Variants in OR4C46 observed in about 807,000 individuals in gnomAD.
The protein encoded by OR4C46 is olfactory receptor 4C46.
OR4C46 carries 17 observed loss-of-function variants against 11.8 expected under a neutral mutation model. The observed-to-expected ratio is 1.44, with a 90% confidence interval of 0.98 to 2.16. OR4C46 has a LOEUF of 2.16. Ranked by LOEUF, OR4C46 falls within the 30% of genes most tolerant of loss-of-function variation. The pLI is 0.00. For missense variants in OR4C46, 606 were observed against 372.1 expected, an observed-to-expected ratio of 1.63 and a Z score of -5.17; for synonymous variants, 224 against 137.6, an observed-to-expected ratio of 1.63 and a Z score of -4.39.
rs751288214 is a variant in OR4C46, at chr11:54,603,224, G to A, written c.775C>T (p.Pro259Ser). 8 of 1,610,598 alleles carry A rather than the reference G, an allele frequency of 5.0e-6. No individual in the cohort carries two copies. The highest frequency in any genetic ancestry group is 3.3e-5 in the South Asian group (3 of 90,992). ...TTATCAATAGGTAAAGTAGCTGCAG[G>A]TCTCATGTACACAAATATGCAGGGC... The part of the protein sequence containing the change: ...FVPCIFVYMR[P>S]AATLPIDKAV... Residue 259 changes from proline (P) to serine (S), a missense_variant, in exon 1 of 1, where the codon CCT (proline) becomes TCT (serine). Physicochemically the swap from Pro to Ser is moderately conservative, Grantham distance 74. Coordinates refer to ENST00000328188, the MANE Select transcript of OR4C46 (RefSeq NM_001004703.1).
At position 54,603,541 on chromosome 11, in the gene OR4C46, T is replaced by G. The variant is rs1441125800; in HGVS notation, c.458A>C (p.His153Pro). 6.2e-7 allele frequency: 1 copy of G among 1,613,738 alleles called. No homozygotes were observed. The highest frequency in any genetic ancestry group is 1.3e-5 in the African/African-American group (1 of 74,890). ...MGVVWMGGFL[H>P]ATIQILFIFQ... ...GATGAAGAGGATCTGTATGGTTGCA[T>G]GAAGAAAGCCTCCCATCCACACCAC... Residue 153 changes from histidine (H) to proline (P), a missense_variant, in exon 1 of 1, where the codon CAT becomes CCT. Coordinates refer to ENST00000328188, the MANE Select transcript of OR4C46 (RefSeq NM_001004703.1).
Position 54,603,630 on chromosome 11 carries a change from G to A in OR4C46, c.369C>T (p.Ala123=), listed in dbSNP as rs548071244. The A allele has an allele frequency of 2.5e-6, 4 of 1,614,066 alleles. No homozygotes were observed. Among genetic ancestry groups the A allele is most frequent in the Non-Finnish European group, 2.5e-6 (3 of 1,179,976 alleles). ...TCATATAGTGCAAGGGCTTGCAGAT[G>A]GCCACATAGTGGTCATAGGCCATCA... ...LTVMAYDHYV[A]ICKPLHYMTI... Residue 123 remains alanine (A), a synonymous_variant, in exon 1 of 1, where the codon GCC becomes GCT. Coordinates refer to ENST00000328188, the MANE Select transcript of OR4C46 (RefSeq NM_001004703.1).
Position 54,603,267 on chromosome 11 carries a change from A to C in OR4C46, c.732T>G (p.Val244=). The C allele has an allele frequency of 3.1e-6, 5 of 1,613,368 alleles. No homozygotes were observed. The highest frequency in any genetic ancestry group is 1.7e-5 in the Admixed American group (1 of 59,982). ...TGCAGGGCACAAAGAATAAGATGAC[A>C]ACCGTGATGTGGGAGACACAGGTGG... The part of the protein sequence containing the change: ...ALSTCVSHIT[V]VILFFVPCIF... Residue 244 remains valine (V), a synonymous_variant, in exon 1 of 1, where the codon GTT becomes GTG. Coordinates refer to ENST00000328188, the MANE Select transcript of OR4C46 (RefSeq NM_001004703.1).
At position 54,603,779 on chromosome 11, in the gene OR4C46, C is replaced by A. The variant is rs554155145; in HGVS notation, c.220G>T (p.Val74Phe). ...TGTGTGATCAGGTTAGGGGTATTGACAGAGGAATAGCAGGCATCAATAAAG... is the reference window on the plus strand; with the variant it reads ...TGTGTGATCAGGTTAGGGGTATTGAAAGAGGAATAGCAGGCATCAATAAAG... ...LSFIDACYSS[V>F]NTPNLITHSL... Residue 74 changes from valine (V) to phenylalanine (F), a missense_variant, in exon 1 of 1, where the codon GTC becomes TTC. By Grantham distance (50) the Val-to-Phe change is conservative (BLOSUM62 -1). Transcript: ENST00000328188. 6.2e-7 allele frequency: 1 copy of A among 1,613,628 alleles called. No individual in the cohort carries two copies. Among genetic ancestry groups the A allele is most frequent in the Admixed American group, 1.7e-5 (1 of 59,994 alleles).
Position 54,603,890 on chromosome 11 carries a change from C to G in OR4C46, c.109G>C (p.Val37Leu). 1 of 1,613,658 alleles carries G rather than the reference C, an allele frequency of 6.2e-7. No individual in the cohort carries two copies. Among genetic ancestry groups the G allele is most frequent in the Non-Finnish European group, 8.5e-7 (1 of 1,179,698 alleles). ...VVFFVIYIITVVGYVLIVVTI... is the reference protein window; with the variant it reads ...VVFFVIYIITLVGYVLIVVTI... The stretch of plus-strand genomic sequence containing the variant: ...ACCACAATGAGCACATATCCCACCA[C>G]AGTGATGATATAGATGACAAAAAAC... Residue 37 changes from valine (V) to leucine (L), a missense_variant, in exon 1 of 1, where the codon GTG (valine) becomes CTG (leucine). By Grantham distance (32) the Val-to-Leu change is conservative (BLOSUM62 1). Coordinates refer to ENST00000328188, the MANE Select transcript of OR4C46 (RefSeq NM_001004703.1).
chr11:54,603,818 G>A lies in OR4C46; in HGVS notation c.181C>T (p.Leu61=), dbSNP rs781002166. 4 of 1,613,814 alleles carry A rather than the reference G, an allele frequency of 2.5e-6. No individual in the cohort carries two copies. Among genetic ancestry groups the A allele is most frequent in the East Asian group, 4.5e-5 (2 of 44,870 alleles). ...GCATCAATAAAGGAGAGATAGGCCA[G>A]GGAAAGGTACATGGGGGACCCCAGT... ...PSLGSPMYLS[L]AYLSFIDACY... Residue 61 remains leucine, a synonymous_variant, in exon 1 of 1, where the codon CTG becomes TTG. Transcript: ENST00000328188.
rs368077487 is a variant in OR4C46 at position 54,603,370 on chromosome 11, G to A, written c.629C>T (p.Ala210Val). 74 of 1,613,668 alleles carry A rather than the reference G, an allele frequency of 4.6e-5. No homozygotes were observed. The South Asian group carries it at 6.5e-4, about 14-fold the overall frequency. The change falls in exon 1 of 1, where the codon GCC becomes GTC. Residue 210 changes from alanine (A) to valine (V), a missense_variant. Transcript: ENST00000328188. Reference protein sequence around the residue: ...NSGFICLLNFALLLVSYVVIL... With the variant: ...NSGFICLLNFVLLLVSYVVIL... ...GACCACATAGGAGACCAGCAGGAGG[G>A]CAAAGTTTAACAAGCAGATGAATCC...
Position 54,603,568 on chromosome 11 carries a change from C to G in OR4C46, c.431G>C (p.Gly144Ala), listed in dbSNP as rs376738452. ...AAGAAAGCCTCCCATCCACACCACTCCCATTAGCAGGGCACACACACACTG... is the reference window on the plus strand; with the variant it reads ...AAGAAAGCCTCCCATCCACACCACTGCCATTAGCAGGGCACACACACACTG... ...MNQCVCALLMGVVWMGGFLHA... is the reference protein window; with the variant it reads ...MNQCVCALLMAVVWMGGFLHA... Residue 144 changes from glycine to alanine, a missense_variant, in exon 1 of 1, where the codon GGA becomes GCA. By Grantham distance (60) the Gly-to-Ala change is moderately conservative. Coordinates refer to ENST00000328188, the MANE Select transcript of OR4C46 (RefSeq NM_001004703.1). 51 of 1,614,050 alleles carry G rather than the reference C, an allele frequency of 3.2e-5. No individual in the cohort carries two copies. Among genetic ancestry groups the G allele is most frequent in the Middle Eastern group, 1.7e-4 (1 of 6,058 alleles).
Position 54,603,916 on chromosome 11 carries a change from A to G in OR4C46, c.83T>C (p.Val28Ala). ...NPKMQKIIFV[V>A]FFVIYIITVV... is the part of the protein sequence containing the mutation. ...AGTGATGATATAGATGACAAAAAACACAACAAATATGATTTTCTGCATCTT... is the reference window on the plus strand; with the variant it reads ...AGTGATGATATAGATGACAAAAAACGCAACAAATATGATTTTCTGCATCTT... The change falls in exon 1 of 1, where the codon GTG (valine) becomes GCG (alanine). Residue 28 changes from valine (V) to alanine (A), a missense_variant. Coordinates refer to ENST00000328188, the MANE Select transcript of OR4C46 (RefSeq NM_001004703.1). 1 of 1,613,902 alleles carries G rather than the reference A, an allele frequency of 6.2e-7. No individual in the cohort carries two copies. The highest frequency in any genetic ancestry group is 8.5e-7 in the Non-Finnish European group (1 of 1,179,800).
chr11:54,603,322 T>G lies in OR4C46; in HGVS notation c.677A>C (p.His226Pro), dbSNP rs1320521698. 6.2e-7 allele frequency: 1 copy of G among 1,613,632 alleles called. No individual in the cohort carries two copies. The highest frequency in any genetic ancestry group is 8.5e-7 in the Non-Finnish European group (1 of 1,179,808). Reference protein sequence around the residue: ...YVVILCSLRTHSLEARHKALS... With the variant: ...YVVILCSLRTPSLEARHKALS... The stretch of plus-strand genomic sequence containing the variant: ...GGCTTTGTGCCTTGCCTCCAAGCTA[T>G]GAGTCCTTAGGGAGCACAAGATGAC... Residue 226 changes from histidine (H) to proline (P), a missense_variant, in exon 1 of 1, where the codon CAT (histidine) becomes CCT (proline). His to Pro is a moderately conservative substitution (Grantham distance 77). Transcript: ENST00000328188.
rs1320521698 is a variant in OR4C46 at position 54,603,322 on chromosome 11, T to C, written c.677A>G (p.His226Arg). The change falls in exon 1 of 1, where the codon CAT becomes CGT. Residue 226 changes from histidine to arginine, a missense_variant. By Grantham distance (29) the His-to-Arg change is conservative. Transcript: ENST00000328188. Reference sequence around the variant, plus strand: ...GGCTTTGTGCCTTGCCTCCAAGCTATGAGTCCTTAGGGAGCACAAGATGAC... The same window carrying C: ...GGCTTTGTGCCTTGCCTCCAAGCTACGAGTCCTTAGGGAGCACAAGATGAC... Reference protein sequence around the residue: ...YVVILCSLRTHSLEARHKALS... With the variant: ...YVVILCSLRTRSLEARHKALS... The C allele has an allele frequency of 6.2e-7, 1 of 1,613,632 alleles. No homozygotes were observed. The highest frequency in any genetic ancestry group is 1.3e-5 in the African/African-American group (1 of 74,874).
chr11:54,603,796 T>A lies in OR4C46; in HGVS notation c.203A>T (p.Asp68Val), dbSNP rs137947200. The A allele has an allele frequency of 1.6e-5, 26 of 1,613,810 alleles. No individual in the cohort carries two copies. In the African/African-American group the frequency reaches 2.9e-4, roughly 18 times the overall value. ...YLSLAYLSFIDACYSSVNTPN... is the reference protein window; with the variant it reads ...YLSLAYLSFIVACYSSVNTPN... ...GGTATTGACAGAGGAATAGCAGGCA[T>A]CAATAAAGGAGAGATAGGCCAGGGA... Residue 68 changes from aspartate (D) to valine (V), a missense_variant, in exon 1 of 1, where the codon GAT (aspartate) becomes GTT (valine). Transcript: ENST00000328188.
rs1284993896 is a variant in OR4C46, at chr11:54,603,901, T to C, written c.98A>G (p.Tyr33Cys). ...CACATATCCCACCACAGTGATGATA[T>C]AGATGACAAAAAACACAACAAATAT... ...KIIFVVFFVI[Y>C]IITVVGYVLI... The change falls in exon 1 of 1, where the codon TAT (tyrosine) becomes TGT (cysteine). Residue 33 changes from tyrosine (Y) to cysteine (C), a missense_variant. Physicochemically the swap from Tyr to Cys is radical, Grantham distance 194 (BLOSUM62 -2). Transcript: ENST00000328188. The C allele has an allele frequency of 1.9e-5, 30 of 1,613,866 alleles. 1 individual carries two copies. Among genetic ancestry groups the C allele is most frequent in the Admixed American group, 1.3e-4 (8 of 60,002 alleles).
In OR4C46 at chr11:54,603,311, C is replaced by A. The variant is rs770204935; in HGVS notation, c.688G>T (p.Ala230Ser). ...CAGGTGGAGAGGGCTTTGTGCCTTG[C>A]CTCCAAGCTATGAGTCCTTAGGGAG... ...LCSLRTHSLE[A>S]RHKALSTCVS... is the part of the protein sequence containing the mutation. The change falls in exon 1 of 1, where the codon GCA becomes TCA. Residue 230 changes from alanine to serine, a missense_variant. Coordinates refer to ENST00000328188, the MANE Select transcript of OR4C46 (RefSeq NM_001004703.1). 6.2e-6 allele frequency: 10 copies of A among 1,613,554 alleles called. No homozygotes were observed. The Admixed American group carries it at 1.7e-4, about 27-fold the overall frequency.
In OR4C46 at chr11:54,603,807, G is replaced by C. The variant is rs1168794620; in HGVS notation, c.192C>G (p.Leu64=). 1 of 1,613,636 alleles carries C rather than the reference G, an allele frequency of 6.2e-7. No homozygotes were observed. Among genetic ancestry groups the C allele is most frequent in the African/African-American group, 1.3e-5 (1 of 74,758 alleles). ...AGGAATAGCAGGCATCAATAAAGGA[G>C]AGATAGGCCAGGGAAAGGTACATGG... ...GSPMYLSLAY[L]SFIDACYSSV... Residue 64 remains leucine (L), a synonymous_variant, in exon 1 of 1, where the codon CTC becomes CTG. Coordinates refer to ENST00000328188, the MANE Select transcript of OR4C46 (RefSeq NM_001004703.1).
At position 54,603,646 on chromosome 11, in the gene OR4C46, T is replaced by C. The variant is rs372915515; in HGVS notation, c.353A>G (p.Tyr118Cys). Residue 118 changes from tyrosine (Y) to cysteine (C), a missense_variant, in exon 1 of 1, where the codon TAT becomes TGT. Coordinates refer to ENST00000328188, the MANE Select transcript of OR4C46 (RefSeq NM_001004703.1). ...CTTGCAGATGGCCACATAGTGGTCA[T>C]AGGCCATCACAGTAAGTAGGATGCC... is the stretch of plus-strand genomic sequence containing the variant. Reference protein sequence around the residue: ...AEGILLTVMAYDHYVAICKPL... With the variant: ...AEGILLTVMACDHYVAICKPL... 39 of 1,613,950 alleles carry C rather than the reference T, an allele frequency of 2.4e-5. No homozygotes were observed. The highest frequency in any genetic ancestry group is 2.9e-5 in the Non-Finnish European group (34 of 1,179,940).
Position 54,603,778 on chromosome 11 carries a change from A to G in OR4C46, c.221T>C (p.Val74Ala), listed in dbSNP as rs1863002456. The G allele has an allele frequency of 6.2e-7, 1 of 1,613,778 alleles. No individual in the cohort carries two copies. Among genetic ancestry groups the G allele is most frequent in the Non-Finnish European group, 8.5e-7 (1 of 1,179,820 alleles). The change falls in exon 1 of 1, where the codon GTC becomes GCC. Residue 74 changes from valine (V) to alanine (A), a missense_variant. Transcript: ENST00000328188. ...ATGTGTGATCAGGTTAGGGGTATTG[A>G]CAGAGGAATAGCAGGCATCAATAAA... is the stretch of plus-strand genomic sequence containing the variant. ...LSFIDACYSS[V>A]NTPNLITHSL... is the part of the protein sequence containing the mutation.
chr11:54,603,467 C>A lies in OR4C46; in HGVS notation c.532G>T (p.Asp178Tyr), dbSNP rs768147466. 4 of 1,613,744 alleles carry A rather than the reference C, an allele frequency of 2.5e-6. No individual in the cohort carries two copies. The South Asian group carries it at 3.3e-5, about 13-fold the overall frequency. Residue 178 changes from aspartate to tyrosine, a missense_variant, in exon 1 of 1, where the codon GAT becomes TAT. Transcript: ENST00000328188. ...GPNVIDHFMC[D>Y]LNPLLNLACT... is the part of the protein sequence containing the mutation. ...GCGAGGTTGAGCAAAGGGTTCAGATCACACATAAAGTGATCTATGACATTA... is the reference window on the plus strand; with the variant it reads ...GCGAGGTTGAGCAAAGGGTTCAGATAACACATAAAGTGATCTATGACATTA...
In OR4C46 at chr11:54,603,919, A is replaced by C. The variant is rs1346328521; in HGVS notation, c.80T>G (p.Val27Gly). Residue 27 changes from valine to glycine, a missense_variant, in exon 1 of 1, where the codon GTT becomes GGT. Physicochemically the swap from Val to Gly is moderately radical, Grantham distance 109 (BLOSUM62 -3). Coordinates refer to ENST00000328188, the MANE Select transcript of OR4C46 (RefSeq NM_001004703.1). ...ENPKMQKIIF[V>G]VFFVIYIITV... ...GATGATATAGATGACAAAAAACACA[A>C]CAAATATGATTTTCTGCATCTTTGG... is the stretch of plus-strand genomic sequence containing the variant. The C allele has an allele frequency of 1.2e-6, 2 of 1,613,810 alleles. No homozygotes were observed. Among genetic ancestry groups the C allele is most frequent in the Non-Finnish European group, 8.5e-7 (1 of 1,179,794 alleles).
Sources: gnomAD v4.1 joint callset for allele counts on GRCh38, gnomAD v4.1.1 for gene constraint, MANE v1.5 for transcripts, NCBI Gene and HGNC (gene_info 2026-07-23, HGNC 2026-07-21) for gene names.